The following SCN9A variants were observed in gnomAD, a reference collection of about 807,000 sequenced individuals.
SCN9A encodes the protein sodium channel protein type 9 subunit alpha.
A neutral mutation model predicts 187.0 loss-of-function variants in SCN9A; 131 were observed. The observed-to-expected ratio is 0.70, with a 90% CI of 0.61 to 0.81. The LOEUF (loss-of-function observed/expected upper bound fraction) is 0.81. Ranked by LOEUF, SCN9A falls within the 30% of genes least tolerant of loss-of-function variation. SCN9A has a pLI of 0.00. For synonymous variants in SCN9A, 809 were observed against 808.6 expected, an observed-to-expected ratio of 1.00 and a Z score of -0.01; for missense variants, 2,252 against 2,396.6, an observed-to-expected ratio of 0.94 and a Z score of 1.26.
chr2:166,224,635 A>T (rs1432390756), intron 24 of SCN9A, among the ~76,000 whole-genome samples: 1 of 152,128 alleles, frequency 6.6e-6, no homozygotes, highest in Non-Finnish European at 1.5e-5. Context: ...TACCCTCTAA[A>T]ATGTTTTAAT....
rs1693668654 is a variant in SCN9A at position 166,203,976 on chromosome 2, C to T, written c.4753G>A (p.Val1585Ile). The T allele has an allele frequency of 1.3e-6, 2 of 1,591,042 alleles. No individual in the cohort carries two copies. Among genetic ancestry groups the T allele is most frequent in the Admixed American group, 3.4e-5 (2 of 58,796 alleles). ...TVGWNIFDFV[V>I]VIISIVGMFL... ...TTACCTACAATGGAGATAATCACAA[C>T]CACAAAATCAAAAATATTCCATCCT... The change falls in exon 26 of 27, where the codon GTT becomes ATT. Residue 1585 changes from valine to isoleucine, a missense_variant. Transcript: ENST00000642356.
intron 2 of SCN9A, 28 bp downstream of exon 2, chr2:166,311,471 C>A (rs1360857075): frequency 2.0e-6 from 3 of 1,468,794 alleles, no homozygotes; most frequent in East Asian, 2.3e-5. Flanking sequence ...CCAACAGAAA[C>A]TGACCACTGA....
At chr2:166,223,078 A>G (rs1694693860) in intron 24 of SCN9A, among the ~76,000 whole-genome samples, 2 of 149,960 alleles carry the variant, frequency 1.3e-5, no homozygotes, top group Non-Finnish European at 3.0e-5. Flanking sequence ...GGTGTTGGCA[A>G]GGATATGGAG....
In SCN9A at chr2:166,284,837, T is replaced by A. The variant is rs767028628; in HGVS notation, c.1603-13A>T. Reference sequence around the variant, plus strand: ...TGCTGAGTGGTGACTGCAGAAAAATTAAAAAAAACGTGGTTGCTGAAGCAC... The same window carrying A: ...TGCTGAGTGGTGACTGCAGAAAAATAAAAAAAAACGTGGTTGCTGAAGCAC... On this transcript the variant is annotated splice_polypyrimidine_tract_variant and intron_variant, in intron 11 of 26. Coordinates refer to ENST00000642356, the MANE Select transcript of SCN9A (RefSeq NM_001365536.1). 29 of 1,578,668 alleles carry A rather than the reference T, an allele frequency of 1.8e-5. No homozygotes were observed. Among genetic ancestry groups the A allele is most frequent in the Admixed American group, 7.5e-5 (4 of 53,292 alleles).
In SCN9A at chr2:166,324,746, C is replaced by T. The variant is rs544921736; in HGVS notation, c.-50-12940G>A. On this transcript the variant is annotated intron_variant, in intron 1 of 26. Coordinates refer to ENST00000642356, the MANE Select transcript of SCN9A (RefSeq NM_001365536.1). ...CATGAGAAAAATATCAGACAAATAC[C>T]AATTCAGGAACATTCTACAAAATAC... Among the ~76,000 whole-genome samples, 3 of 152,086 alleles carry T rather than the reference C, an allele frequency of 2.0e-5. No individual in the cohort carries two copies. The South Asian group carries it at 6.2e-4, about 32-fold the overall frequency.
chr2:166,348,822 T>C (rs963050666), intron 1 of SCN9A, among the ~76,000 whole-genome samples: 2 of 152,002 alleles, frequency 1.3e-5, no homozygotes, highest in Admixed American at 1.3e-4. Context: ...TACAACTACT[T>C]TTCTTAAACC....
chr2:166,243,925 T>A (rs1574792915), intron 18 of SCN9A, among the ~76,000 whole-genome samples: 1 of 152,184 alleles, frequency 6.6e-6, no homozygotes, highest in East Asian at 1.9e-4. Context: ...TCCAGTATCC[T>A]GTCTGGAGGG....
At chr2:166,302,903 A>T (rs1698617804) in intron 7 of SCN9A, 187 bp downstream of exon 7, 2 of 536,810 alleles carry the variant, frequency 3.7e-6, no homozygotes, top group Non-Finnish European at 6.5e-6. Flanking sequence ...CAGTACTGCT[A>T]GATAGCTTAG....
chr2:166,319,490 G>T (rs1185233822), intron 1 of SCN9A, among the ~76,000 whole-genome samples: 1 of 152,048 alleles, frequency 6.6e-6, no homozygotes, highest in African/African-American at 2.4e-5. Context: ...AATGAGGCAT[G>T]AACTTGAACA....
At chr2:166,319,349 C>CG (rs1699183230) in intron 1 of SCN9A, among the ~76,000 whole-genome samples, 1 of 134,816 alleles carries the variant, frequency 7.4e-6, no homozygotes. Flanking sequence ...TAAGGTAGAG[C>CG]AAAAAAAAAA....
At chr2:166,232,752 T>TAG (rs71031232) in intron 21 of SCN9A, among the ~76,000 whole-genome samples, 6 of 50,760 alleles carry the variant, frequency 1.2e-4, no homozygotes, top group African/African-American at 4.4e-4. Context: ...TATATATATA[T>TAG]AGAGAGAGAG....
intron 19 of SCN9A, among the ~76,000 whole-genome samples, chr2:166,239,646 C>T (rs1358615991): frequency 6.6e-6 from 1 of 152,136 alleles, no homozygotes; most frequent in Admixed American, 6.6e-5. Context: ...TTCCTCCCCT[C>T]CACTCCACCC....
At chr2:166,265,423 T>C (rs1696690401) in intron 17 of SCN9A, among the ~76,000 whole-genome samples, 1 of 151,996 alleles carries the variant, frequency 6.6e-6, no homozygotes, top group Non-Finnish European at 1.5e-5. Context: ...TTTTCTTATG[T>C]ACATTTTCTT....
At chr2:166,245,367 A>G (rs1695741732) in intron 18 of SCN9A, among the ~76,000 whole-genome samples, 1 of 151,994 alleles carries the variant, frequency 6.6e-6, no homozygotes, top group South Asian at 2.1e-4. Context: ...AGTTTATAAA[A>G]ATATTTACCT....
intron 1 of SCN9A, among the ~76,000 whole-genome samples, chr2:166,352,148 C>T (rs1047770483): frequency 6.6e-6 from 1 of 152,024 alleles, no homozygotes; most frequent in African/African-American, 2.4e-5. Flanking sequence ...GTAAGTGTGC[C>T]TATTATAATG....
chr2:166,266,675 T>G (rs1696753763), intron 17 of SCN9A, among the ~76,000 whole-genome samples: 1 of 151,588 alleles, frequency 6.6e-6, no homozygotes, highest in South Asian at 2.1e-4. Context: ...TTAAAAATAA[T>G]AATTATTCTA....
intron 26 of SCN9A, 104 bp downstream of exon 26, chr2:166,203,851 C>G: frequency 1.4e-6 from 1 of 714,520 alleles, no homozygotes; most frequent in Non-Finnish European, 2.3e-6. Context: ...TACTGACTTA[C>G]TCAAGAGTAA....
intron 20 of SCN9A, 108 bp from the exon 21 acceptor site, chr2:166,233,570 G>A: frequency 1.3e-6 from 1 of 778,168 alleles, no homozygotes; most frequent in Admixed American, 3.8e-5. Context: ...ACAATAAGAT[G>A]GTATATACGG....
chr2:166,362,619 T>C (rs1700312699), intron 1 of SCN9A, among the ~76,000 whole-genome samples: 1 of 151,994 alleles, frequency 6.6e-6, no homozygotes, highest in South Asian at 2.1e-4. Context: ...TTCCTATCCT[T>C]CCTCAAATTT....
Sources: gnomAD v4.1 joint callset for allele counts (sites outside exome capture counted in the v4.1 genomes callset) on GRCh38, gnomAD v4.1.1 for gene constraint, MANE v1.5 for transcripts, NCBI Gene and HGNC (gene_info 2026-07-23, HGNC 2026-07-21) for gene names.